The following ASNS variants were observed in gnomAD, a reference collection of about 807,000 sequenced individuals.
ASNS encodes the protein asparagine synthetase (glutamine-hydrolyzing).
A neutral mutation model predicts 62.6 loss-of-function variants in ASNS; 37 were observed. The ratio of observed to expected loss-of-function variants is 0.59; its 90% CI spans 0.45 to 0.78. The LOEUF (loss-of-function observed/expected upper bound fraction) is 0.78, where lower values mean the gene tolerates loss of function less well. ASNS is among the 30% of genes least tolerant of loss of function. The pLI, the probability that ASNS is intolerant of heterozygous loss-of-function variation, is 0.00. For missense variants in ASNS, 520 were observed against 682.4 expected, an observed-to-expected ratio of 0.76 and a Z score of 2.65; for synonymous variants, 207 against 237.9, an observed-to-expected ratio of 0.87 and a Z score of 1.19.
intron 3 of ASNS, among the ~76,000 whole-genome samples, chr7:97,866,460 TAAG>T (rs1791975870): frequency 6.6e-6 from 1 of 152,006 alleles, no homozygotes; most frequent in South Asian, 2.1e-4. Flanking sequence ...GCATGCAGAG[TAAG>T]AAGGTTTGAT....
intron 3 of ASNS, among the ~76,000 whole-genome samples, chr7:97,865,048 C>T (rs10277835): frequency 2.4e-3 from 367 of 152,232 alleles, no homozygotes; most frequent in African/African-American, 8.1e-3. Flanking sequence ...TACATGGAAC[C>T]ATCAGAAAGC....
intron 4 of ASNS, chr7:97,863,592 G>A (rs1791824077): frequency 6.6e-6 from 1 of 152,298 alleles, no homozygotes; most frequent in Non-Finnish European, 1.5e-5. Context: ...AATCGCTTGA[G>A]CCCACGAGTT....
the ASNS span, among the ~76,000 whole-genome samples, chr7:97,912,565 CTTTTTTTTTTTTTTTT>C: frequency 4.8e-5 from 2 of 41,486 alleles, no homozygotes; most frequent in Non-Finnish European, 4.6e-5. Flanking sequence ...GTTAACTTTG[CTTTTTTTTTTTTTTTT>C]TTTTTTTTTT....
rs1402031513 is a variant in ASNS, at chr7:97,859,315, T to C, written c.571A>G (p.Lys191Glu). Residue 191 changes from lysine to glutamate, a missense_variant, in exon 5 of 13, where the codon AAG (lysine) becomes GAG (glutamate). Transcript: ENST00000394308. ...ACGGATGCAACTTTGCCATTTGGCTTTAAATCCAAAACTTCATAGTGTCCA... is the reference window on the plus strand; with the variant it reads ...ACGGATGCAACTTTGCCATTTGGCTCTAAATCCAAAACTTCATAGTGTCCA... ...LPGHYEVLDL[K>E]PNGKVASVEM... 6.2e-7 allele frequency: 1 copy of C among 1,614,168 alleles called. No individual in the cohort carries two copies. The highest frequency in any genetic ancestry group is 1.1e-5 in the South Asian group (1 of 91,080).
At chr7:97,889,927 C>CAAAGAAAAAAA in the ASNS span, among the ~76,000 whole-genome samples, 1 of 38,558 alleles carries the variant, frequency 2.6e-5, no homozygotes, top group African/African-American at 1.1e-4. Context: ...ATAATGAATA[C>CAAAGAAAAAAA]AAAAAAAAAA....
chr7:97,873,942 C>A (rs1301324488), upstream of ASNS, among the ~76,000 whole-genome samples: 4 of 152,130 alleles, frequency 2.6e-5, no homozygotes, highest in African/African-American at 9.7e-5. Flanking sequence ...ATTAAAATTG[C>A]TAATGAAGTT....
At chr7:97,883,495 C>G in the ASNS span, among the ~76,000 whole-genome samples, 1 of 152,170 alleles carries the variant, frequency 6.6e-6, no homozygotes, top group African/African-American at 2.4e-5. Flanking sequence ...CACTGCTCAG[C>G]CACTCTCCTG....
chr7:97,921,750 G>A, the ASNS span, among the ~76,000 whole-genome samples: 2 of 152,220 alleles, frequency 1.3e-5, no homozygotes, highest in Admixed American at 6.5e-5. Context: ...CACTGTGGAA[G>A]GATAGGGGCT....
the ASNS span, among the ~76,000 whole-genome samples, chr7:97,902,303 T>C: frequency 6.6e-6 from 1 of 152,198 alleles, no homozygotes; most frequent in Non-Finnish European, 1.5e-5. Flanking sequence ...TCAGCTTTCA[T>C]GCCAATCACT....
At chr7:97,894,868 G>A in the ASNS span, among the ~76,000 whole-genome samples, 3 of 152,168 alleles carry the variant, frequency 2.0e-5, no homozygotes, top group African/African-American at 7.2e-5. Flanking sequence ...CTAACTCATT[G>A]TATAAGGCCA....
chr7:97,914,853 T>A, the ASNS span, among the ~76,000 whole-genome samples: 1 of 152,236 alleles, frequency 6.6e-6, no homozygotes, highest in African/African-American at 2.4e-5. Context: ...CAGAACAAGC[T>A]GGCTGGGGGA....
rs777272935 is a variant in ASNS, at chr7:97,853,321, T to G, written c.1304A>C (p.Glu435Ala). ...TTTACCTACCTTTGGAATTCTCATT[T>G]CTGGTGGCAGAGACAAGTAATAGGA... ...FSSYYLSLPP[E>A]MRIPKNGIEK... The change falls in exon 11 of 13, where the codon GAA becomes GCA. Residue 435 changes from glutamate to alanine, a missense_variant. Coordinates refer to ENST00000394308, the MANE Select transcript of ASNS (RefSeq NM_001673.5). 15 of 1,613,752 alleles carry G rather than the reference T, an allele frequency of 9.3e-6. No homozygotes were observed. Among genetic ancestry groups the G allele is most frequent in the Admixed American group, 8.3e-5 (5 of 59,988 alleles).
upstream of ASNS, among the ~76,000 whole-genome samples, chr7:97,875,710 G>A (rs1792423768): frequency 6.6e-6 from 1 of 152,172 alleles, no homozygotes; most frequent in Admixed American, 6.5e-5. Flanking sequence ...GTGCTTGGAA[G>A]GGGAAACAAA....
At chr7:97,921,513 C>T in the ASNS span, among the ~76,000 whole-genome samples, 76 of 152,190 alleles carry the variant, frequency 5.0e-4, no homozygotes, top group African/African-American at 1.8e-3. Context: ...TCTGCTACAG[C>T]ATGATCTCCA....
chr7:97,867,550 T>C (rs1207680601), intron 3 of ASNS, among the ~76,000 whole-genome samples: 1 of 152,216 alleles, frequency 6.6e-6, no homozygotes, highest in African/African-American at 2.4e-5. Context: ...AACAGGGCAC[T>C]TCCTATTTCA....
the ASNS span, among the ~76,000 whole-genome samples, chr7:97,894,291 T>A: frequency 6.6e-6 from 1 of 151,860 alleles, no homozygotes; most frequent in Non-Finnish European, 1.5e-5. Flanking sequence ...ATAAACGACC[T>A]AATGATGCAC....
chr7:97,881,442 C>T, the ASNS span, among the ~76,000 whole-genome samples: 2 of 152,068 alleles, frequency 1.3e-5, no homozygotes, highest in Admixed American at 6.6e-5. Flanking sequence ...CCCTTTCCCC[C>T]AGCTCCTGGC....
At chr7:97,870,227 G>A in intron 1 of ASNS, 2 of 948,972 alleles carry the variant, frequency 2.1e-6, no homozygotes, top group Non-Finnish European at 1.5e-6. Context: ...GTGTCTGAGT[G>A]CTACGAAGAT....
chr7:97,860,528 A>G (rs1791664484), intron 4 of ASNS, among the ~76,000 whole-genome samples: 1 of 152,158 alleles, frequency 6.6e-6, no homozygotes, highest in Non-Finnish European at 1.5e-5. Flanking sequence ...ATCACACTAG[A>G]AATGCCTGAA....
Sources: gnomAD v4.1 joint callset for allele counts (sites outside exome capture counted in the v4.1 genomes callset) on GRCh38, gnomAD v4.1.1 for gene constraint, MANE v1.5 for transcripts, NCBI Gene and HGNC (gene_info 2026-07-23, HGNC 2026-07-21) for gene names.